PCDH15: variants seen among roughly 807,000 people sequenced by gnomAD.
PCDH15 encodes the protein protocadherin-15.
PCDH15 carries 129 observed loss-of-function variants against 178.5 expected under a neutral mutation model. The observed-to-expected ratio is 0.72, with a 90% CI of 0.63 to 0.84. The LOEUF (loss-of-function observed/expected upper bound fraction) is 0.84. Ranked by LOEUF, PCDH15 falls within the 40% of genes least tolerant of loss-of-function variation. The pLI, the probability that PCDH15 is intolerant of heterozygous loss-of-function variation, is 0.00. For synonymous variants in PCDH15, 800 were observed against 732.0 expected, an observed-to-expected ratio of 1.09 and a Z score of -1.50; for missense variants, 2,230 against 2,099.9, an observed-to-expected ratio of 1.06 and a Z score of -1.21.
chr10:55,286,165 G>A (rs568734678), intron 1 of PCDH15, among the ~76,000 whole-genome samples: 1 of 151,394 alleles, frequency 6.6e-6, no homozygotes, highest in Non-Finnish European at 1.5e-5. Context: ...AGAAAAATCG[G>A]CCTTTTAAAA....
intron 2 of PCDH15, chr10:54,897,620 G>A (rs1016759883): frequency 1.3e-5 from 2 of 152,004 alleles, no homozygotes; most frequent in East Asian, 3.9e-4. Context: ...TATAACTTCT[G>A]GTGTTTACAT....
At chr10:55,196,192 G>T (rs1009156281) in intron 1 of PCDH15, among the ~76,000 whole-genome samples, 3 of 151,832 alleles carry the variant, frequency 2.0e-5, no homozygotes, top group African/African-American at 7.3e-5. Flanking sequence ...TGCCTATTAC[G>T]ACCTCCTACA....
At chr10:53,927,510 A>C (rs1416656259) in intron 25 of PCDH15, among the ~76,000 whole-genome samples, 1 of 152,166 alleles carries the variant, frequency 6.6e-6, no homozygotes, top group Non-Finnish European at 1.5e-5. Context: ...GACAAAATCA[A>C]TCATGAAAAT....
chr10:54,315,978 G>GTT (rs67038949), intron 8 of PCDH15, among the ~76,000 whole-genome samples: 1 of 146,628 alleles, frequency 6.8e-6, no homozygotes, highest in African/African-American at 2.5e-5. Context: ...TTTGGGTTTT[G>GTT]TTTTTTTTTT....
intron 3 of PCDH15, among the ~76,000 whole-genome samples, chr10:54,816,705 T>G (rs2133735689): frequency 6.6e-6 from 1 of 152,200 alleles, no homozygotes; most frequent in Non-Finnish European, 1.5e-5. Flanking sequence ...TAGAGTAGAC[T>G]TTAGCAGACC....
chr10:55,303,446 A>C (rs1210658589), intron 1 of PCDH15, among the ~76,000 whole-genome samples: 2 of 152,156 alleles, frequency 1.3e-5, no homozygotes, highest in Non-Finnish European at 1.5e-5. Flanking sequence ...ATTGTGGACT[A>C]ACAGTCCAAT....
chr10:54,077,888 C>A (rs2094369580), intron 17 of PCDH15, among the ~76,000 whole-genome samples: 1 of 152,060 alleles, frequency 6.6e-6, no homozygotes. Flanking sequence ...CACGGTGAAA[C>A]CCTGTCTCTA....
intron 2 of PCDH15, among the ~76,000 whole-genome samples, chr10:55,426,858 C>T (rs1000075220): frequency 1.3e-5 from 2 of 152,158 alleles, no homozygotes; most frequent in African/African-American, 4.8e-5. Flanking sequence ...GTTATGCCAT[C>T]AAGCTCTCCC....
chr10:55,396,109 T>C (rs1837923114), intron 2 of PCDH15, among the ~76,000 whole-genome samples: 1 of 152,198 alleles, frequency 6.6e-6, no homozygotes, highest in African/African-American at 2.4e-5. Flanking sequence ...TCAATGTCTT[T>C]GGTACTTAGC....
At chr10:54,204,012 A>T (rs1056107696) in intron 10 of PCDH15, among the ~76,000 whole-genome samples, 1 of 152,224 alleles carries the variant, frequency 6.6e-6, no homozygotes, top group Non-Finnish European at 1.5e-5. Flanking sequence ...CACTTTAGAC[A>T]GTTAAAATAT....
At chr10:53,891,555 G>A (rs1196336697) in intron 26 of PCDH15, among the ~76,000 whole-genome samples, 1 of 152,078 alleles carries the variant, frequency 6.6e-6, no homozygotes, top group African/African-American at 2.4e-5. Flanking sequence ...TTTAGGAAAG[G>A]CAAAATTATT....
At chr10:55,547,412 A>G (rs1221026677) in intron 2 of PCDH15, among the ~76,000 whole-genome samples, 1 of 152,132 alleles carries the variant, frequency 6.6e-6, no homozygotes, top group Non-Finnish European at 1.5e-5. Context: ...GACATGGCAT[A>G]TTGGATCTGA....
At chr10:54,679,006 C>A (rs2094845209) in intron 1 of PCDH15, among the ~76,000 whole-genome samples, 2 of 151,470 alleles carry the variant, frequency 1.3e-5, no homozygotes, top group South Asian at 4.2e-4. Flanking sequence ...TTGGCTAACA[C>A]GGTGAAACCC....
chr10:54,760,677 T>C (rs1947765874), intron 1 of PCDH15, among the ~76,000 whole-genome samples: 2 of 152,168 alleles, frequency 1.3e-5, no homozygotes, highest in African/African-American at 4.8e-5. Flanking sequence ...ATCAGGACTG[T>C]GAACATCACA....
chr10:54,021,853 A>C (rs1911418), intron 19 of PCDH15, among the ~76,000 whole-genome samples: 2,408 of 152,030 alleles, frequency 0.016, 59 homozygotes, highest in African/African-American at 0.055. Flanking sequence ...CCCCTAGGAC[A>C]GCATGAATTT....
chr10:54,410,819 A>C (rs532573858), intron 3 of PCDH15, among the ~76,000 whole-genome samples: 2 of 152,260 alleles, frequency 1.3e-5, no homozygotes, highest in East Asian at 1.9e-4. Flanking sequence ...CCAAGGCAAC[A>C]GTTACTTTCA....
chr10:54,178,502 C>CA (rs2133737057), intron 13 of PCDH15, among the ~76,000 whole-genome samples: 2 of 151,628 alleles, frequency 1.3e-5, no homozygotes, highest in East Asian at 1.9e-4. Context: ...ATTATTGCAT[C>CA]AAAAAAATAG....
intron 25 of PCDH15, among the ~76,000 whole-genome samples, chr10:53,927,967 G>GA (rs549506137): frequency 5.7e-4 from 86 of 152,138 alleles, no homozygotes; most frequent in African/African-American, 1.9e-3. Flanking sequence ...GAGTTGATCT[G>GA]AAAAACAATG....
At chr10:54,214,453 A>G (rs1173849086) in intron 9 of PCDH15, among the ~76,000 whole-genome samples, 1 of 152,208 alleles carries the variant, frequency 6.6e-6, no homozygotes, top group African/African-American at 2.4e-5. Flanking sequence ...TGTACCAAAT[A>G]GTGAGATGCT....
Sources: allele counts gnomAD v4.1 joint callset (sites outside exome capture counted in the v4.1 genomes callset), GRCh38; gene constraint gnomAD v4.1.1; transcripts MANE v1.5; gene names NCBI Gene and HGNC (gene_info 2026-07-23, HGNC 2026-07-21).